Variants in PCED1A observed in about 807,000 individuals in gnomAD.
The protein encoded by PCED1A is PC-esterase domain-containing protein 1A.
A neutral mutation model predicts 41.9 loss-of-function variants in PCED1A; 20 were observed. The ratio of observed to expected loss-of-function variants is 0.48; its 90% CI spans 0.34 to 0.69. The LOEUF (loss-of-function observed/expected upper bound fraction) is 0.69. Among genes scored for constraint, PCED1A ranks in the 30% least tolerant of loss-of-function variants. The pLI is 0.01. For missense variants in PCED1A, 498 were observed against 602.1 expected (o/e 0.83, Z 1.81); for synonymous variants, 236 against 241.3 (o/e 0.98, Z 0.20).
At position 2,840,651 on chromosome 20, in the gene PCED1A, G is replaced by A. The variant is rs1029667772; in HGVS notation, c.-462C>T. 1.8e-6 allele frequency: 2 copies of A among 1,093,882 alleles called. No homozygotes were observed. Among genetic ancestry groups the A allele is most frequent in the Admixed American group, 2.0e-5 (1 of 49,428 alleles). The allele number at this position is 1,093,882 out of a possible 1,614,324, so 67.8% of individuals were successfully genotyped here. ...CGGCAGCCAAGTGAGGCTGCCCACA[G>A]TGGTGATGGCCGCGGCGGCGGCCTC... On this transcript the variant is annotated 5_prime_UTR_variant, in exon 1 of 8. Coordinates refer to ENST00000360652, the MANE Select transcript of PCED1A (RefSeq NM_022760.6).
chr20:2,838,613 C>T lies in PCED1A; in HGVS notation c.577G>A (p.Gly193Ser), dbSNP rs946803665. 1.2e-6 allele frequency: 2 copies of T among 1,614,078 alleles called. No homozygotes were observed. The highest frequency in any genetic ancestry group is 1.3e-5 in the African/African-American group (1 of 74,930). ...TCACTTGCCTCTGGCAGGAGGAAAC[C>T]CCCAGTGATACGTTCCCCGAGGGGC... ...AMPLGERITG[G>S]FLLPELQPLA... Residue 193 changes from glycine (G) to serine (S), a missense_variant, in exon 5 of 8, where the codon GGT becomes AGT. Gly to Ser is a moderately conservative substitution (Grantham distance 56, BLOSUM62 0). Transcript: ENST00000360652. The surrounding 1 kb of genome is among the most constrained non-coding windows in gnomAD (Gnocchi z 5.8).
At chr20:2,835,749 C>T (rs755576357) in intron 7 of PCED1A, 40 bp from the exon 8 acceptor site, 1 of 1,518,564 alleles carries the variant, frequency 6.6e-7, no homozygotes, top group East Asian at 2.3e-5. Context: ...GGCTTCTGGC[C>T]AGAGTGAGTG....
At position 2,840,469 on chromosome 20, in the gene PCED1A, C is replaced by A. The variant is rs1035774546; in HGVS notation, c.-280G>T. The A allele has an allele frequency of 1.3e-5, 6 of 472,286 alleles. No individual in the cohort carries two copies. Among genetic ancestry groups the A allele is most frequent in the Non-Finnish European group, 2.3e-5 (6 of 265,566 alleles). 29.3% of individuals were successfully genotyped at this position (472,286 alleles called of 1,614,324 possible). On this transcript the variant is annotated 5_prime_UTR_variant, in exon 1 of 8. An upstream open reading frame in the 5' UTR loses its in-frame stop. Transcript: ENST00000360652. ...CCTCGGCGCCTCGGGCTGCGACGCT[C>A]ACAGCTTCCACTTCCGTTCACCCAT...
At position 2,840,220 on chromosome 20, in the gene PCED1A, G is replaced by A. The variant is rs979172853; in HGVS notation, c.-31C>T. On this transcript the variant is annotated 5_prime_UTR_variant, in exon 1 of 8. Coordinates refer to ENST00000360652, the MANE Select transcript of PCED1A (RefSeq NM_022760.6). ...CGCTCGCGCCAATTACCAAGTCCCG[G>A]GGCTCCGCGGTGTTCACCCGCGACC... 1 of 278,154 alleles carries A rather than the reference G, an allele frequency of 3.6e-6. No homozygotes were observed. The highest frequency in any genetic ancestry group is 5.5e-5 in the Admixed American group (1 of 18,224). The allele number at this position is 278,154 out of a possible 1,614,324, so 17.2% of individuals were successfully genotyped here. A position where few individuals can be genotyped will look rare whatever the true frequency, so the allele number is the denominator to read the frequency against.
Position 2,836,139 on chromosome 20 carries a change from G to A in PCED1A, c.1017C>T (p.Pro339=), listed in dbSNP as rs76189925. The change falls in exon 7 of 8, where the codon CCC becomes CCT. Residue 339 remains proline, a synonymous_variant. Coordinates refer to ENST00000360652, the MANE Select transcript of PCED1A (RefSeq NM_022760.6). The stretch of plus-strand genomic sequence containing the variant: ...GGAAAAAAGGGGTATCCTGGGGCAG[G>A]GGTGGGAAGAGGGGAGGTGGCGAGG... ...PQPSPPPLFP[P]LPQDTPFFPG... is the part of the protein sequence containing the mutation. The A allele has an allele frequency of 4.4e-4, 700 of 1,598,952 alleles. 5 individuals are homozygous for A. The East Asian group carries it at 0.015, about 34-fold the overall frequency.
chr20:2,837,724 AGG>A (rs1360804827), intron 6 of PCED1A, among the ~76,000 whole-genome samples: 4 of 152,194 alleles, frequency 2.6e-5, no homozygotes, highest in Admixed American at 6.5e-5. Flanking sequence ...TGGGACTCTG[AGG>A]CTGAACTAAG....
At position 2,836,282 on chromosome 20, in the gene PCED1A, G is replaced by T. The variant is rs748327901; in HGVS notation, c.874C>A (p.His292Asn). 8 of 1,614,146 alleles carry T rather than the reference G, an allele frequency of 5.0e-6. No homozygotes were observed. Among genetic ancestry groups the T allele is most frequent in the Non-Finnish European group, 6.8e-6 (8 of 1,180,026 alleles). Reference sequence around the variant, plus strand: ...TGCCTATGGCTTCCCTGGAATGGATGATTCATCTCTGCCCAGTCCTCAATC... The same window carrying T: ...TGCCTATGGCTTCCCTGGAATGGATTATTCATCTCTGCCCAGTCCTCAATC... ...PWIEDWAEMNHPFQGSHRQTP... is the reference protein window; with the variant it reads ...PWIEDWAEMNNPFQGSHRQTP... The change falls in exon 7 of 8, where the codon CAT becomes AAT. Residue 292 changes from histidine to asparagine, a missense_variant. His to Asn is a moderately conservative substitution (Grantham distance 68). Coordinates refer to ENST00000360652, the MANE Select transcript of PCED1A (RefSeq NM_022760.6).
In PCED1A at chr20:2,840,576, T is replaced by C. The variant is rs2088949959; in HGVS notation, c.-387A>G. 1.6e-6 allele frequency: 1 copy of C among 620,392 alleles called. No homozygotes were observed. Among genetic ancestry groups the C allele is most frequent in the East Asian group, 2.9e-5 (1 of 34,154 alleles). 38.4% of individuals were successfully genotyped at this position (620,392 alleles called of 1,614,324 possible). A position where few individuals can be genotyped will look rare whatever the true frequency, so the allele number is the denominator to read the frequency against. On this transcript the variant is annotated 5_prime_UTR_variant, in exon 1 of 8. Coordinates refer to ENST00000360652, the MANE Select transcript of PCED1A (RefSeq NM_022760.6). ...CGCCACAGGGCGCAGGAGCCAGGGC[T>C]GGGCCCACTTGGCGGGCGCGAAGCC...
In PCED1A at chr20:2,838,791, G is replaced by C. The variant is rs1220420662; in HGVS notation, c.444-45C>G. 1 of 1,613,966 alleles carries C rather than the reference G, an allele frequency of 6.2e-7. No individual in the cohort carries two copies. The highest frequency in any genetic ancestry group is 1.7e-5 in the Admixed American group (1 of 60,028). On this transcript the variant is annotated intron_variant, in intron 4 of 7. Transcript: ENST00000360652. The surrounding 1 kb of genome is among the most constrained non-coding windows in gnomAD (Gnocchi z 5.8). ...GTGGGCAAGAGCACAAGGGTGGACT[G>C]CCTCAGCCGTACTTCCAGCCCCAAC...
chr20:2,835,556 G>A lies in PCED1A; in HGVS notation c.1271C>T (p.Pro424Leu), dbSNP rs1044347727. 2 of 1,614,172 alleles carry A rather than the reference G, an allele frequency of 1.2e-6. No homozygotes were observed. The highest frequency in any genetic ancestry group is 8.5e-7 in the Non-Finnish European group (1 of 1,180,030). The change falls in exon 8 of 8, where the codon CCC becomes CTC. Residue 424 changes from proline (P) to leucine (L), a missense_variant. By Grantham distance (98) the Pro-to-Leu change is moderately conservative (BLOSUM62 -3). Transcript: ENST00000360652. ...TGAGTGTCTGAGCCGCTGCCTGCAG[G>A]GCCCCCCCATTCTCCGCACATGGTA... ...SPYHVRRMGG[P>L]CRQRLRHSER...
At position 2,839,084 on chromosome 20, in the gene PCED1A, T is replaced by TTGG; in HGVS notation, c.205-3_205-2insCCA. The TTGG allele has an allele frequency of 6.9e-6, 5 of 724,902 alleles. No individual in the cohort carries two copies. Among genetic ancestry groups the TTGG allele is most frequent in the Non-Finnish European group, 7.7e-6 (4 of 521,908 alleles). 44.9% of individuals were successfully genotyped at this position (724,902 alleles called of 1,614,324 possible). A position where few individuals can be genotyped will look rare whatever the true frequency, so the allele number is the denominator to read the frequency against. ...GTCCTGTTCAAAGCTCAGCTCCCCC[T>TTGG]ACCCACCCCCCCCACCCTACTGGTC... On this transcript the variant is annotated splice_region_variant and splice_polypyrimidine_tract_variant and intron_variant, in intron 3 of 7. Coordinates refer to ENST00000360652, the MANE Select transcript of PCED1A (RefSeq NM_022760.6).
In PCED1A at chr20:2,838,951, G is replaced by C; in HGVS notation, c.336C>G (p.Phe112Leu). 2 of 1,614,084 alleles carry C rather than the reference G, an allele frequency of 1.2e-6. No individual in the cohort carries two copies. The highest frequency in any genetic ancestry group is 1.7e-6 in the Non-Finnish European group (2 of 1,180,042). ...GGTACTCGGAGTAAACACGAGTGAG[G>C]AAGTAGAAGCGCACAAGGTGGTGGC... ...GSGHHLVRFY[F>L]LTRVYSEYLE... The change falls in exon 4 of 8, where the codon TTC (phenylalanine) becomes TTG (leucine). Residue 112 changes from phenylalanine (F) to leucine (L), a missense_variant. Phe to Leu is a conservative substitution (Grantham distance 22). Around this residue, in one of 2 missense-constraint regions of PCED1A, gnomAD observed 253 missense variants for 369.7 expected, o/e 0.68. Coordinates refer to ENST00000360652, the MANE Select transcript of PCED1A (RefSeq NM_022760.6). The surrounding 1 kb of genome is among the most constrained non-coding windows in gnomAD (Gnocchi z 5.8).
rs2088948820 is a variant in PCED1A at position 2,840,535 on chromosome 20, A to G, written c.-346T>C. 1 of 562,060 alleles carries G rather than the reference A, an allele frequency of 1.8e-6. No individual in the cohort carries two copies. Among genetic ancestry groups the G allele is most frequent in the African/African-American group, 2.0e-5 (1 of 49,590 alleles). The allele number at this position is 562,060 out of a possible 1,614,324, so 34.8% of individuals were successfully genotyped here. ...ACCCCCAGTGCCCGAAGGGAAAGCA[A>G]GGCGATGGAGGTGGCCGCCACAGGG... On this transcript the variant is annotated 5_prime_UTR_variant, in exon 1 of 8. Transcript: ENST00000360652.
chr20:2,837,680 C>T (rs970810016), intron 6 of PCED1A, among the ~76,000 whole-genome samples: 4 of 152,092 alleles, frequency 2.6e-5, no homozygotes, highest in African/African-American at 9.7e-5. Flanking sequence ...AGATGGGGCC[C>T]GAGGAGAGCT....
intron 1 of PCED1A, 90 bp downstream of exon 1, chr20:2,840,121 A>C (rs1388966778): frequency 1.9e-6 from 1 of 517,184 alleles, no homozygotes; most frequent in African/African-American, 2.0e-5. Flanking sequence ...CCTCCAGGGC[A>C]CTGGGGAGCT....
In PCED1A at chr20:2,836,124, G is replaced by A. The variant is rs1395808081; in HGVS notation, c.1032C>T (p.Thr344=). ...PPLFPPLPQD[T]PFFPGQPFPP... ...GGAAGGGCTGGCCTGGGAAAAAAGG[G>A]GTATCCTGGGGCAGGGGTGGGAAGA... The change falls in exon 7 of 8, where the codon ACC becomes ACT. Residue 344 remains threonine, a synonymous_variant. Coordinates refer to ENST00000360652, the MANE Select transcript of PCED1A (RefSeq NM_022760.6). The A allele has an allele frequency of 6.3e-7, 1 of 1,585,636 alleles. No individual in the cohort carries two copies.
Position 2,835,585 on chromosome 20 carries a change from G to C in PCED1A, c.1242C>G (p.Ser414Arg), listed in dbSNP as rs768536530. 15 of 1,614,080 alleles carry C rather than the reference G, an allele frequency of 9.3e-6. No homozygotes were observed. The highest frequency in any genetic ancestry group is 2.2e-5 in the South Asian group (2 of 91,092). ...CCCCCATTCTCCGCACATGGTAGGGGCTGTTAGGAACATAGCGTGGCATCC... is the reference window on the plus strand; with the variant it reads ...CCCCCATTCTCCGCACATGGTAGGGCCTGTTAGGAACATAGCGTGGCATCC... ...HRGMPRYVPN[S>R]PYHVRRMGGP... is the part of the protein sequence containing the mutation. Residue 414 changes from serine (S) to arginine (R), a missense_variant, in exon 8 of 8, where the codon AGC becomes AGG. Transcript: ENST00000360652.
rs765765075 is a variant in PCED1A at position 2,836,141 on chromosome 20, G to T, written c.1015C>A (p.Pro339Thr). Residue 339 changes from proline (P) to threonine (T), a missense_variant, in exon 7 of 8, where the codon CCC becomes ACC. Coordinates refer to ENST00000360652, the MANE Select transcript of PCED1A (RefSeq NM_022760.6). Reference protein sequence around the residue: ...PQPSPPPLFPPLPQDTPFFPG... With the variant: ...PQPSPPPLFPTLPQDTPFFPG... ...AAAAAAGGGGTATCCTGGGGCAGGG[G>T]TGGGAAGAGGGGAGGTGGCGAGGGC... is the stretch of plus-strand genomic sequence containing the variant. 1.3e-6 allele frequency: 2 copies of T among 1,599,174 alleles called. No individual in the cohort carries two copies. The highest frequency in any genetic ancestry group is 2.2e-5 in the East Asian group (1 of 44,740).
intron 1 of PCED1A, 60 bp downstream of exon 1, chr20:2,840,151 G>A (rs3746690): frequency 0.17 from 70,071 of 407,290 alleles, 7,678 homozygotes; most frequent in African/African-American, 0.39. Context: ...GCGCCGCCCT[G>A]CGCCTCGCCA....
Sources: allele counts gnomAD v4.1 joint callset (sites outside exome capture counted in the v4.1 genomes callset), GRCh38; gene constraint gnomAD v4.1.1; regional missense constraint gnomAD v4.1.1; non-coding constraint Gnocchi (gnomAD v3.1); transcripts MANE v1.5; gene names NCBI Gene and HGNC (gene_info 2026-07-23, HGNC 2026-07-21).